The following METAP1 variants were observed in gnomAD, a reference collection of about 807,000 sequenced individuals.
METAP1 encodes the protein methionine aminopeptidase 1.
In METAP1, 28 loss-of-function variants were observed where a neutral mutation model predicts 53.8. The ratio of observed to expected loss-of-function variants is 0.52; its 90% confidence interval spans 0.39 to 0.71. The LOEUF is 0.71. METAP1 is among the 30% of genes least tolerant of loss of function. The pLI is 0.00. For missense variants in METAP1, 389 were observed against 479.8 expected (o/e 0.81, Z 1.77); for synonymous variants, 181 against 165.7 (o/e 1.09, Z -0.71).
intron 4 of METAP1, among the ~76,000 whole-genome samples, chr4:99,037,462 G>A (rs76132574): frequency 0.037 from 5,624 of 151,866 alleles, 132 homozygotes; most frequent in African/African-American, 0.058. Flanking sequence ...AAAATCATTT[G>A]TATATCTGAA....
At chr4:98,996,928 C>G (rs1214437758) in intron 1 of METAP1, among the ~76,000 whole-genome samples, 1 of 152,190 alleles carries the variant, frequency 6.6e-6, no homozygotes, top group African/African-American at 2.4e-5. Flanking sequence ...ATTGTGCGAT[C>G]TTGAATTAGT....
At chr4:99,023,004 T>C in intron 1 of METAP1, 4 of 1,461,268 alleles carry the variant, frequency 2.7e-6, no homozygotes, top group Non-Finnish European at 3.7e-6. Flanking sequence ...TACCTGGCAC[T>C]ACCCGCTTCT....
intron 2 of METAP1, among the ~76,000 whole-genome samples, chr4:99,030,844 T>A (rs1187261334): frequency 6.6e-6 from 1 of 152,044 alleles, no homozygotes; most frequent in East Asian, 1.9e-4. Flanking sequence ...GGAATATTGA[T>A]CTATAATTTG....
intron 1 of METAP1, chr4:99,025,351 G>T (rs1465893963): frequency 2.0e-6 from 2 of 982,740 alleles, no homozygotes; most frequent in Non-Finnish European, 2.4e-6. Context: ...TTATAATTTT[G>T]CAGTAGCGAT....
chr4:99,033,581 A>AT (rs1327479371), intron 2 of METAP1, among the ~76,000 whole-genome samples: 2 of 152,168 alleles, frequency 1.3e-5, no homozygotes, highest in Non-Finnish European at 2.9e-5. Context: ...TATGGATATG[A>AT]TTCTTAATTT....
At chr4:99,057,427 A>G (rs1345874133) in intron 9 of METAP1, among the ~76,000 whole-genome samples, 3 of 152,212 alleles carry the variant, frequency 2.0e-5, no homozygotes, top group African/African-American at 7.2e-5. Flanking sequence ...TCATGAGGTA[A>G]TAGAAATCAA....
At chr4:99,038,220 C>T (rs1725574380) in intron 4 of METAP1, among the ~76,000 whole-genome samples, 1 of 151,968 alleles carries the variant, frequency 6.6e-6, no homozygotes, top group Non-Finnish European at 1.5e-5. Context: ...ATAATCACAT[C>T]TGAAATTGAT....
chr4:99,002,005 A>G (rs1488672822), intron 1 of METAP1, among the ~76,000 whole-genome samples: 2 of 152,214 alleles, frequency 1.3e-5, no homozygotes, highest in African/African-American at 4.8e-5. Context: ...TCTTTGAGTT[A>G]CCTTTTTGGA....
intron 1 of METAP1, among the ~76,000 whole-genome samples, chr4:99,008,283 A>G (rs554258076): frequency 6.6e-6 from 1 of 152,340 alleles, no homozygotes; most frequent in African/African-American, 2.4e-5. Context: ...GGTAATAGCA[A>G]GTAGATTAGC....
chr4:99,019,109 T>A lies in METAP1; in HGVS notation c.115-9758T>A, dbSNP rs114834596. Among the ~76,000 whole-genome samples the A allele has an allele frequency of 7.2e-3, 1,091 of 152,316 alleles. 8 individuals are homozygous for A. Among genetic ancestry groups the A allele is most frequent in the African/African-American group, 0.025 (1,032 of 41,550 alleles). On this transcript the variant is annotated intron_variant, in intron 1 of 10. Coordinates refer to ENST00000296411, the MANE Select transcript of METAP1 (RefSeq NM_015143.3). The stretch of plus-strand genomic sequence containing the variant: ...TGGAAATTGAATATTAGCTGCCTCA[T>A]TTTTGTATCTGACTTCTATATCTTC...
intron 1 of METAP1, among the ~76,000 whole-genome samples, chr4:99,003,890 A>C (rs1021255268): frequency 1.3e-5 from 2 of 152,074 alleles, no homozygotes; most frequent in Admixed American, 6.6e-5. Flanking sequence ...CAGATCCCAG[A>C]GATAGAGGGC....
At chr4:99,003,120 G>C (rs2110275882) in intron 1 of METAP1, among the ~76,000 whole-genome samples, 1 of 152,276 alleles carries the variant, frequency 6.6e-6, no homozygotes, top group African/African-American at 2.4e-5. Flanking sequence ...CCTGTTAATT[G>C]GGGTCTGCTA....
chr4:99,010,111 A>G (rs1249115786), intron 1 of METAP1, among the ~76,000 whole-genome samples: 1 of 152,160 alleles, frequency 6.6e-6, no homozygotes, highest in Non-Finnish European at 1.5e-5. Flanking sequence ...CAGTTTTCCC[A>G]ACAGTGTTTA....
intron 1 of METAP1, among the ~76,000 whole-genome samples, chr4:98,999,820 G>T (rs1579229129): frequency 6.6e-6 from 1 of 151,906 alleles, no homozygotes; most frequent in African/African-American, 2.4e-5. Context: ...TAGGATGTTT[G>T]ATTTTAAGGA....
At chr4:99,050,630 A>G (rs1326690248) in intron 9 of METAP1, among the ~76,000 whole-genome samples, 1 of 152,150 alleles carries the variant, frequency 6.6e-6, no homozygotes, top group Non-Finnish European at 1.5e-5. Context: ...AGCAGCAAGC[A>G]AGCGAGCTTT....
At chr4:99,003,591 T>C (rs563601094) in intron 1 of METAP1, among the ~76,000 whole-genome samples, 2 of 152,228 alleles carry the variant, frequency 1.3e-5, no homozygotes, top group Admixed American at 6.5e-5. Context: ...TAATTTAATA[T>C]TGCTTTTGAA....
At chr4:99,017,042 G>GA (rs1435876650) in intron 1 of METAP1, among the ~76,000 whole-genome samples, 1 of 152,210 alleles carries the variant, frequency 6.6e-6, no homozygotes, top group Non-Finnish European at 1.5e-5. Context: ...GGAGTTAGAT[G>GA]AAATATTTGT....
intron 2 of METAP1, among the ~76,000 whole-genome samples, chr4:99,033,716 T>C (rs556261881): frequency 6.6e-6 from 1 of 152,316 alleles, no homozygotes; most frequent in Middle Eastern, 3.4e-3. Context: ...TTTGAAATAT[T>C]GACTTGAAAG....
intron 9 of METAP1, among the ~76,000 whole-genome samples, chr4:99,057,369 C>G (rs1727230295): frequency 6.6e-6 from 1 of 152,236 alleles, no homozygotes; most frequent in South Asian, 2.1e-4. Flanking sequence ...TTGAGCTTCT[C>G]TACCCGGATG....
Sources: gnomAD v4.1 joint callset for allele counts (sites outside exome capture counted in the v4.1 genomes callset) on GRCh38, gnomAD v4.1.1 for gene constraint, MANE v1.5 for transcripts, NCBI Gene and HGNC (gene_info 2026-07-23, HGNC 2026-07-21) for gene names.